Variants in PACS1 observed in about 807,000 individuals in gnomAD.
PACS1 encodes PACS-1.
Under a neutral mutation model 115.0 loss-of-function variants are expected in PACS1, and 24 were observed. That is an observed-to-expected ratio of 0.21 (90% CI 0.15 to 0.29). The LOEUF is 0.29. PACS1 is among the 10% of genes least tolerant of loss of function. The pLI is 1.00. For missense variants in PACS1, 838 were observed against 1,251.2 expected, an observed-to-expected ratio of 0.67 and a Z score of 4.98; for synonymous variants, 453 against 504.5, an observed-to-expected ratio of 0.90 and a Z score of 1.37.
chr11:66,078,060 CAA>C (rs1328707930), intron 1 of PACS1, among the ~76,000 whole-genome samples: 8 of 152,138 alleles, frequency 5.3e-5, no homozygotes, highest in African/African-American at 1.9e-4. Context: ...GTGCTAGCTT[CAA>C]CAATTTTTCT....
intron 10 of PACS1, chr11:66,221,527 TC>T (rs1855347119): frequency 5.4e-6 from 2 of 367,976 alleles, no homozygotes; most frequent in Non-Finnish European, 1.0e-5. Context: ...GCACCTGTAG[TC>T]CCAGCTACTC....
At chr11:66,141,893 T>C (rs1177422071) in intron 1 of PACS1, among the ~76,000 whole-genome samples, 1 of 151,748 alleles carries the variant, frequency 6.6e-6, no homozygotes. Flanking sequence ...GCAGCCTCTG[T>C]CTCCCGGGTT....
At chr11:66,076,804 C>T (rs1212704798) in intron 1 of PACS1, among the ~76,000 whole-genome samples, 2 of 152,138 alleles carry the variant, frequency 1.3e-5, no homozygotes, top group Non-Finnish European at 2.9e-5. Context: ...TCCGGAAATT[C>T]CGTGGGAATC....
intron 1 of PACS1, among the ~76,000 whole-genome samples, chr11:66,150,981 G>A (rs1435515301): frequency 6.6e-6 from 1 of 152,034 alleles, no homozygotes; most frequent in Non-Finnish European, 1.5e-5. Flanking sequence ...GATGAGAGGT[G>A]CCAAAGAAGA....
intron 11 of PACS1, among the ~76,000 whole-genome samples, chr11:66,229,658 G>A (rs570851159): frequency 2.6e-5 from 4 of 152,034 alleles, no homozygotes; most frequent in Admixed American, 6.5e-5. Flanking sequence ...CAGCTTGGGC[G>A]ACAGAGCAAG....
intron 11 of PACS1, among the ~76,000 whole-genome samples, chr11:66,228,828 A>G (rs1855520982): frequency 2.0e-5 from 3 of 152,204 alleles, no homozygotes; most frequent in Non-Finnish European, 4.4e-5. Flanking sequence ...GCATATTTGC[A>G]TAAAAATTCA....
intron 1 of PACS1, among the ~76,000 whole-genome samples, chr11:66,138,127 T>C (rs1858892195): frequency 6.6e-6 from 1 of 150,404 alleles, no homozygotes; most frequent in South Asian, 2.1e-4. Context: ...TATCACACTC[T>C]GTCACTCAGG....
In PACS1 at chr11:66,216,261, C is replaced by A; in HGVS notation, c.803C>A (p.Ser268Tyr). 1 of 1,614,002 alleles carries A rather than the reference C, an allele frequency of 6.2e-7. No individual in the cohort carries two copies. Reference sequence around the variant, plus strand: ...CATGAAGGAATCAAATCCAAGCTTTCTGGTAAGAAGCATGCAGCATCTGGA... The same window carrying A: ...CATGAAGGAATCAAATCCAAGCTTTATGGTAAGAAGCATGCAGCATCTGGA... Reference protein sequence around the residue: ...IDHEGIKSKLSDRSPDIDNYS... With the variant: ...IDHEGIKSKLYDRSPDIDNYS... Residue 268 changes from serine to tyrosine, a missense_variant and splice_region_variant, in exon 5 of 24, where the codon TCT becomes TAT. Physicochemically the swap from Ser to Tyr is moderately radical, Grantham distance 144. Transcript: ENST00000320580.
At chr11:66,219,434 A>C in intron 7 of PACS1, 1 of 480,994 alleles carries the variant, frequency 2.1e-6, no homozygotes, top group Non-Finnish European at 3.9e-6. Context: ...AGCAGTGGGC[A>C]CTGTGAATCC....
At chr11:66,229,503 T>C (rs1855537633) in intron 11 of PACS1, among the ~76,000 whole-genome samples, 1 of 151,786 alleles carries the variant, frequency 6.6e-6, no homozygotes, top group South Asian at 2.1e-4. Context: ...ATCGAGACCA[T>C]CCTGGCTAAC....
At chr11:66,211,544 A>G (rs1319111351) in intron 4 of PACS1, among the ~76,000 whole-genome samples, 1 of 152,250 alleles carries the variant, frequency 6.6e-6, no homozygotes. Context: ...AAGAGTTCCC[A>G]TATGTGGATT....
At chr11:66,090,474 G>C (rs191023721) in intron 1 of PACS1, among the ~76,000 whole-genome samples, 1 of 151,904 alleles carries the variant, frequency 6.6e-6, no homozygotes, top group East Asian at 1.9e-4. Flanking sequence ...AGGTCCCACT[G>C]TTGCCCAGGC....
At chr11:66,191,285 A>C (rs1370222987) in intron 1 of PACS1, among the ~76,000 whole-genome samples, 1 of 152,038 alleles carries the variant, frequency 6.6e-6, no homozygotes, top group Non-Finnish European at 1.5e-5. Context: ...TCTTGTGATC[A>C]TATTGGGTCC....
At chr11:66,176,616 G>A (rs1162463710) in intron 1 of PACS1, among the ~76,000 whole-genome samples, 1 of 152,030 alleles carries the variant, frequency 6.6e-6, no homozygotes, top group Non-Finnish European at 1.5e-5. Flanking sequence ...GTTTCATCAC[G>A]TTGGTCAGGC....
chr11:66,117,187 G>A (rs539204714), intron 1 of PACS1, among the ~76,000 whole-genome samples: 6 of 150,946 alleles, frequency 4.0e-5, no homozygotes, highest in Middle Eastern at 3.4e-3. Flanking sequence ...GAGGCTGGGC[G>A]CAGTGGTTCA....
In PACS1 at chr11:66,070,541, G is replaced by A; in HGVS notation, c.55G>A (p.Gly19Ser). Residue 19 changes from glycine (G) to serine (S), a missense_variant, in exon 1 of 24, where the codon GGC (glycine) becomes AGC (serine). Around this residue, in one of 6 missense-constraint regions of PACS1, gnomAD observed 15 missense variants for 39.0 expected, o/e 0.38. Coordinates refer to ENST00000320580, the MANE Select transcript of PACS1 (RefSeq NM_018026.4). This position sits in a 1 kb window ranked among gnomAD's most constrained non-coding sequence, Gnocchi z 5.9. ...TCCCGGAGGCGCCGGGGGCGGCAGC[G>A]GCCAGCGGGGATCCGGGGTCGCCCA... is the stretch of plus-strand genomic sequence containing the variant. Reference protein sequence around the residue: ...GGPGGAGGGSGQRGSGVAQSP... With the variant: ...GGPGGAGGGSSQRGSGVAQSP... 7.2e-7 allele frequency: 1 copy of A among 1,379,386 alleles called. No homozygotes were observed. The highest frequency in any genetic ancestry group is 9.3e-7 in the Non-Finnish European group (1 of 1,074,892). 85.4% of individuals were successfully genotyped at this position (1,379,386 alleles called of 1,614,324 possible).
chr11:66,229,115 C>T (rs1190102126), intron 11 of PACS1, among the ~76,000 whole-genome samples: 1 of 143,884 alleles, frequency 7.0e-6, no homozygotes, highest in Admixed American at 7.6e-5. Flanking sequence ...TGGCTCACAC[C>T]TGTAATCCCA....
At chr11:66,167,933 C>T (rs962171877) in intron 1 of PACS1, among the ~76,000 whole-genome samples, 3 of 150,310 alleles carry the variant, frequency 2.0e-5, no homozygotes, top group Non-Finnish European at 2.9e-5. Context: ...CTAATTTCCC[C>T]ACCTTGTTTC....
At chr11:66,105,673 A>G (rs1005046477) in intron 1 of PACS1, among the ~76,000 whole-genome samples, 7 of 152,212 alleles carry the variant, frequency 4.6e-5, no homozygotes, top group African/African-American at 1.4e-4. Context: ...TAAACTTTCC[A>G]TGCCCTTCCC....
Sources: gnomAD v4.1 joint callset for allele counts (sites outside exome capture counted in the v4.1 genomes callset) on GRCh38, gnomAD v4.1.1 for gene constraint, gnomAD v4.1.1 regional missense constraint, Gnocchi (gnomAD v3.1) non-coding constraint, MANE v1.5 for transcripts, NCBI Gene and HGNC (gene_info 2026-07-23, HGNC 2026-07-21) for gene names.